Variants in CRTC3 observed in about 807,000 individuals in gnomAD.
CRTC3 encodes CREB-regulated transcription coactivator 3.
CRTC3 carries 26 observed loss-of-function variants against 74.5 expected under a neutral mutation model. The ratio of observed to expected loss-of-function variants is 0.35; its 90% CI spans 0.26 to 0.48. CRTC3 has a LOEUF of 0.48. CRTC3 is among the 20% of genes least tolerant of loss of function. The probability of loss-of-function intolerance (pLI) is 0.99; values close to 1 mark genes in which losing one functional copy is unlikely to be tolerated. For synonymous variants in CRTC3, 377 were observed against 325.8 expected (o/e 1.16, Z -1.69); for missense variants, 760 against 787.3 (o/e 0.97, Z 0.41).
At position 90,638,564 on chromosome 15, in the gene CRTC3, C is replaced by G. The variant is rs536280169; in HGVS notation, c.1385C>G (p.Pro462Arg). 1.9e-6 allele frequency: 3 copies of G among 1,613,120 alleles called. No homozygotes were observed. In the African/African-American group the frequency reaches 4.0e-5, roughly 22 times the overall value. The change falls in exon 12 of 15, where the codon CCC becomes CGC. Residue 462 changes from proline to arginine, a missense_variant. Around this residue, in one of 2 missense-constraint regions of CRTC3, gnomAD observed 652 missense variants for 635.2 expected, o/e 1.03. Coordinates refer to ENST00000268184, the MANE Select transcript of CRTC3 (RefSeq NM_022769.5). ...CTCACCCAGCCCCTCCTGCAGCAGC[C>G]CCGCGCCCCTGAGGCCCCTGCCCAG... ...QELTQPLLQQ[P>R]RAPEAPAQQP...
At chr15:90,570,875 C>A (rs1967247215) in intron 2 of CRTC3, among the ~76,000 whole-genome samples, 1 of 151,986 alleles carries the variant, frequency 6.6e-6, no homozygotes, top group Non-Finnish European at 1.5e-5. Flanking sequence ...CGTGCTTCAG[C>A]AGAGTGCAGC....
At chr15:90,573,498 A>G (rs1219116365) in intron 2 of CRTC3, among the ~76,000 whole-genome samples, 1 of 152,134 alleles carries the variant, frequency 6.6e-6, no homozygotes, top group Non-Finnish European at 1.5e-5. Context: ...ATTGTATTCT[A>G]ATGCTATTAT....
At chr15:90,626,611 C>CTTTTTTTTTTTTTTTT (rs922457681) in intron 10 of CRTC3, among the ~76,000 whole-genome samples, 8 of 133,416 alleles carry the variant, frequency 6.0e-5, no homozygotes, top group African/African-American at 1.8e-4. Flanking sequence ...AAGCCTGACA[C>CTTTTTTTTTTTTTTTT]TTTTTTTTTT....
rs1279336809 is a variant in CRTC3, at chr15:90,539,114, C to T, written c.133-925C>T. On this transcript the variant is annotated intron_variant, in intron 1 of 14. Transcript: ENST00000268184. ...TGAAGGGTAAAAATCTGCCCCAGGG[C>T]TCTCGTCTATAACCCTTTCTTCTCT... Among the ~76,000 whole-genome samples, 5 of 152,302 alleles carry T rather than the reference C, an allele frequency of 3.3e-5. No homozygotes were observed. The East Asian group carries it at 9.6e-4, about 29-fold the overall frequency.
Position 90,540,061 on chromosome 15 carries a change from A to G in CRTC3, c.155A>G (p.Gln52Arg), listed in dbSNP as rs766335111. The part of the protein sequence containing the change: ...LSRVQFQKLQ[Q>R]LRLTQYHGGS... Reference sequence around the variant, plus strand: ...CAGGTTCAATTTCAGAAGCTTCAGCAACTGCGCCTTACACAGTACCATGGA... The same window carrying G: ...CAGGTTCAATTTCAGAAGCTTCAGCGACTGCGCCTTACACAGTACCATGGA... Residue 52 changes from glutamine to arginine, a missense_variant, in exon 2 of 15, where the codon CAA becomes CGA. Gln to Arg is a conservative substitution (Grantham distance 43, BLOSUM62 1). This residue lies in a region of CRTC3 where 108 missense variants were observed against 152.1 expected (regional missense o/e 0.71). Transcript: ENST00000268184. 10 of 1,613,496 alleles carry G rather than the reference A, an allele frequency of 6.2e-6. 1 individual carries two copies. Among genetic ancestry groups the G allele is most frequent in the Non-Finnish European group, 7.6e-6 (9 of 1,179,786 alleles).
intron 2 of CRTC3, among the ~76,000 whole-genome samples, chr15:90,542,293 C>T (rs905456187): frequency 6.6e-6 from 1 of 151,840 alleles, no homozygotes; most frequent in African/African-American, 2.4e-5. Context: ...ATTCTTCTGC[C>T]TCAGCCTCCC....
chr15:90,564,043 C>A (rs1270044260), intron 2 of CRTC3, among the ~76,000 whole-genome samples: 1 of 152,108 alleles, frequency 6.6e-6, no homozygotes, highest in Admixed American at 6.6e-5. Flanking sequence ...TTTCTAGTAA[C>A]CCCAGAGTAG....
At chr15:90,620,983 A>G (rs1968630939) in intron 9 of CRTC3, among the ~76,000 whole-genome samples, 1 of 152,078 alleles carries the variant, frequency 6.6e-6, no homozygotes, top group African/African-American at 2.4e-5. Context: ...TGATTTGCTG[A>G]GCTGCGCCAC....
chr15:90,619,313 C>T (rs777840082), intron 8 of CRTC3, among the ~76,000 whole-genome samples: 10 of 151,940 alleles, frequency 6.6e-5, no homozygotes, highest in Admixed American at 3.3e-4. Flanking sequence ...AAAAATTAGC[C>T]GAGTGTGGTG....
At chr15:90,637,232 T>G (rs1360991930) in intron 11 of CRTC3, among the ~76,000 whole-genome samples, 3 of 152,226 alleles carry the variant, frequency 2.0e-5, no homozygotes, top group East Asian at 1.9e-4. Context: ...CCATAAAAAA[T>G]GATGAGTTCA....
intron 1 of CRTC3, among the ~76,000 whole-genome samples, chr15:90,537,247 A>C (rs1158405689): frequency 4.8e-5 from 7 of 145,050 alleles, no homozygotes; most frequent in African/African-American, 1.8e-4. Flanking sequence ...TCTTAAGTTG[A>C]CCAGAGCTTT....
At chr15:90,544,797 CAG>C (rs1966841611) in intron 2 of CRTC3, among the ~76,000 whole-genome samples, 2 of 152,142 alleles carry the variant, frequency 1.3e-5, no homozygotes, top group Non-Finnish European at 2.9e-5. Context: ...CTTGGTATTT[CAG>C]AGTTTCAAAA....
In CRTC3 at chr15:90,641,078, T is replaced by C; in HGVS notation, c.1549-19T>C. On this transcript the variant is annotated intron_variant, in intron 13 of 14. Transcript: ENST00000268184. ...AAACAGAGGTGTGGCCTTCCTCACATGACCTTCGATGCTTCCAGGTGCCTC... is the reference window on the plus strand; with the variant it reads ...AAACAGAGGTGTGGCCTTCCTCACACGACCTTCGATGCTTCCAGGTGCCTC... The C allele has an allele frequency of 6.4e-7, 1 of 1,560,372 alleles. No homozygotes were observed. The highest frequency in any genetic ancestry group is 8.8e-7 in the Non-Finnish European group (1 of 1,131,388).
intron 2 of CRTC3, among the ~76,000 whole-genome samples, chr15:90,560,792 C>T (rs968998395): frequency 6.6e-6 from 1 of 152,212 alleles, no homozygotes; most frequent in African/African-American, 2.4e-5. Context: ...CTCCTGATTG[C>T]ACCCTGCAGG....
At chr15:90,630,262 C>T (rs371789801) in intron 11 of CRTC3, among the ~76,000 whole-genome samples, 38 of 152,186 alleles carry the variant, frequency 2.5e-4, no homozygotes, top group African/African-American at 8.7e-4. Context: ...AGGGGAAAGC[C>T]AAAGAAAACA....
chr15:90,580,645 C>G (rs1328410922), intron 2 of CRTC3, among the ~76,000 whole-genome samples: 1 of 151,996 alleles, frequency 6.6e-6, no homozygotes, highest in East Asian at 1.9e-4. Flanking sequence ...CCAGGCTGGT[C>G]TCAAACTCCT....
At chr15:90,556,990 A>G (rs1966904952) in intron 2 of CRTC3, among the ~76,000 whole-genome samples, 1 of 86,000 alleles carries the variant, frequency 1.2e-5, no homozygotes. Context: ...ATATATATAT[A>G]TATATATATC....
At chr15:90,629,610 AT>A in intron 11 of CRTC3, 78 bp downstream of exon 11, 1 of 1,470,120 alleles carries the variant, frequency 6.8e-7, no homozygotes, top group South Asian at 1.2e-5. Context: ...CCTCTTTACT[AT>A]TTTGGGTTAC....
rs772951699 is a variant in CRTC3, at chr15:90,602,333, A to C, written c.361A>C (p.Ser121Arg). The C allele has an allele frequency of 6.3e-7, 1 of 1,584,024 alleles. No homozygotes were observed. Among genetic ancestry groups the C allele is most frequent in the East Asian group, 2.2e-5 (1 of 44,700 alleles). ...GDKPGRQFDG[S>R]AFGANYSSQP... is the part of the protein sequence containing the mutation. ...TTATTAAAAATTCTACTTTGATGGTAGTGCTTTTGGAGCCAATTATTCCTC... is the reference window on the plus strand; with the variant it reads ...TTATTAAAAATTCTACTTTGATGGTCGTGCTTTTGGAGCCAATTATTCCTC... Residue 121 changes from serine (S) to arginine (R), a missense_variant, in exon 4 of 15, where the codon AGT (serine) becomes CGT (arginine). Transcript: ENST00000268184.
Sources: allele counts gnomAD v4.1 joint callset (sites outside exome capture counted in the v4.1 genomes callset), GRCh38; gene constraint gnomAD v4.1.1; regional missense constraint gnomAD v4.1.1; transcripts MANE v1.5; gene names NCBI Gene and HGNC (gene_info 2026-07-23, HGNC 2026-07-21).